SATB1: variants seen among roughly 807,000 people sequenced by gnomAD.
SATB1 encodes the protein DNA-binding protein SATB1.
In SATB1, 11 loss-of-function variants were observed where a neutral mutation model predicts 86.9. The ratio of observed to expected loss-of-function variants is 0.13; its 90% CI spans 0.08 to 0.21. SATB1 has a LOEUF of 0.21. SATB1 is among the 10% of genes least tolerant of loss of function. The probability of loss-of-function intolerance (pLI) is 1.00; values close to 1 mark genes in which losing one functional copy is unlikely to be tolerated. For missense variants in SATB1, 551 were observed against 937.6 expected (o/e 0.59, Z 5.39); for synonymous variants, 357 against 357.2 (o/e 1.00, Z 0.01).
At chr3:18,434,770 T>C (rs1423940578) in intron 2 of SATB1, 5 of 152,036 alleles carry the variant, frequency 3.3e-5, no homozygotes, top group African/African-American at 1.2e-4. Flanking sequence ...AAAAATTAAG[T>C]TCACTTGAAA....
intron 2 of SATB1, chr3:18,417,284 G>A: frequency 1.7e-6 from 1 of 583,166 alleles, no homozygotes; most frequent in Admixed American, 3.5e-5. Context: ...AAATATTTAA[G>A]TAGAATATGA....
chr3:18,364,719 G>GTATA (rs759656924), intron 9 of SATB1, among the ~76,000 whole-genome samples: 2 of 151,058 alleles, frequency 1.3e-5, no homozygotes, highest in African/African-American at 2.4e-5. Flanking sequence ...ATGTATGTAT[G>GTATA]TATATATATA....
chr3:18,395,973 C>A (rs868058548), intron 6 of SATB1, among the ~76,000 whole-genome samples: 1 of 152,212 alleles, frequency 6.6e-6, no homozygotes, highest in Non-Finnish European at 1.5e-5. Context: ...TGATTTTAAT[C>A]ATCAATTCTC....
chr3:18,413,965 A>G (rs945214801), intron 5 of SATB1, among the ~76,000 whole-genome samples: 2 of 152,200 alleles, frequency 1.3e-5, no homozygotes, highest in Admixed American at 1.3e-4. Context: ...TTCCCTTCAA[A>G]GGTACCCAAT....
rs1268611058 is a variant in SATB1 at position 18,346,002 on chromosome 3, CT to C, written c.*3167del. 6.6e-6 allele frequency: 1 copy of C among 152,004 alleles called. No homozygotes were observed. The highest frequency in any genetic ancestry group is 2.1e-4 in the South Asian group (1 of 4,828). 9.4% of individuals were successfully genotyped at this position (152,004 alleles called of 1,614,324 possible). On this transcript the variant is annotated 3_prime_UTR_variant, in exon 11 of 11. Coordinates refer to ENST00000338745, the MANE Select transcript of SATB1 (RefSeq NM_002971.6). ...ATAAACACAGATATAGATATCGCTA[CT>C]TTGAAAAAAATCACTTATTTTAAAC...
intron 9 of SATB1, among the ~76,000 whole-genome samples, chr3:18,372,682 C>T (rs952486399): frequency 4.6e-5 from 7 of 152,156 alleles, no homozygotes; most frequent in African/African-American, 1.7e-4. Flanking sequence ...ACAATTAGCT[C>T]TTAAAAAATC....
chr3:18,388,464 C>T (rs1023129933), intron 7 of SATB1, among the ~76,000 whole-genome samples: 124 of 152,224 alleles, frequency 8.1e-4, no homozygotes, highest in African/African-American at 2.9e-3. Context: ...ATGAAAACAT[C>T]AGTATAAACA....
intron 2 of SATB1, chr3:18,417,658 G>C (rs1368355797): frequency 1.4e-6 from 1 of 698,100 alleles, no homozygotes; most frequent in Non-Finnish European, 2.6e-6. Flanking sequence ...TCCACAAAAA[G>C]TACTTAACCA....
In SATB1 at chr3:18,348,273, G is replaced by A. The variant is rs888918640; in HGVS notation, c.*897C>T. 1 of 152,618 alleles carries A rather than the reference G, an allele frequency of 6.6e-6. No individual in the cohort carries two copies. The highest frequency in any genetic ancestry group is 2.4e-5 in the African/African-American group (1 of 41,450). 9.5% of individuals were successfully genotyped at this position (152,618 alleles called of 1,614,324 possible). On this transcript the variant is annotated 3_prime_UTR_variant, in exon 11 of 11. Transcript: ENST00000338745. ...GTAAAAATTGCATACAACAATAAGA[G>A]TGAAGCTTATAGTATGAATTGCTTG...
chr3:18,386,435 G>T lies in SATB1; in HGVS notation c.1383C>A (p.Ala461=), dbSNP rs1267982779. ...GGCTGGGTGGTGTGCTGATGAGGGG[G>T]GCAGGACCCATGGCCGAGGCAGCAT... ...SLNAASAMGP[A]PLISTPPSRP... Residue 461 remains alanine, a synonymous_variant, in exon 8 of 11, where the codon GCC becomes GCA. Coordinates refer to ENST00000338745, the MANE Select transcript of SATB1 (RefSeq NM_002971.6). This position sits in a 1 kb window ranked among gnomAD's most constrained non-coding sequence, Gnocchi z 4.5. 2 of 1,613,924 alleles carry T rather than the reference G, an allele frequency of 1.2e-6. No individual in the cohort carries two copies. Among genetic ancestry groups the T allele is most frequent in the South Asian group, 2.2e-5 (2 of 91,058 alleles).
chr3:18,413,091 C>A (rs2125153414), intron 5 of SATB1, among the ~76,000 whole-genome samples: 1 of 152,024 alleles, frequency 6.6e-6, no homozygotes, highest in South Asian at 2.1e-4. Flanking sequence ...AGTGAGGTAT[C>A]CAGCCACAGG....
At chr3:18,409,702 A>T (rs1039945962) in intron 5 of SATB1, 1 of 152,048 alleles carries the variant, frequency 6.6e-6, no homozygotes, top group African/African-American at 2.4e-5. Context: ...AAAGTTTTTT[A>T]ATGTTAAAAA....
chr3:18,399,440 T>C (rs1697137092), intron 5 of SATB1, among the ~76,000 whole-genome samples: 1 of 152,140 alleles, frequency 6.6e-6, no homozygotes, highest in Non-Finnish European at 1.5e-5. Context: ...ATATCAACAG[T>C]GGAAAATGTA....
chr3:18,429,687 TCTGA>T (rs770020582), upstream of SATB1, among the ~76,000 whole-genome samples: 30 of 152,348 alleles, frequency 2.0e-4, no homozygotes, highest in Non-Finnish European at 3.2e-4. This position sits in a 1 kb window ranked among gnomAD's most constrained non-coding sequence, Gnocchi z 4.1. Context: ...GATTAAACTC[TCTGA>T]CTAATTATGC....
intron 9 of SATB1, chr3:18,353,202 C>T (rs1248442667): frequency 6.6e-6 from 1 of 152,394 alleles, no homozygotes; most frequent in Non-Finnish European, 1.5e-5. Flanking sequence ...GACCTCCTCA[C>T]CCCGGGTGGC....
chr3:18,418,647 G>A (rs1017651834), intron 2 of SATB1, among the ~76,000 whole-genome samples: 1 of 152,150 alleles, frequency 6.6e-6, no homozygotes, highest in African/African-American at 2.4e-5. Flanking sequence ...TGGCTTGAAG[G>A]TATTCTGGCA....
rs777511572 is a variant in SATB1, at chr3:18,417,017, G to C, written c.273C>G (p.Cys91Trp). Residue 91 changes from cysteine (C) to tryptophan (W), a missense_variant, in exon 3 of 11, where the codon TGC (cysteine) becomes TGG (tryptophan). Cys to Trp is a radical substitution (Grantham distance 215). This residue lies in a region of SATB1 where 153 missense variants were observed against 258.1 expected (regional missense o/e 0.59). Transcript: ENST00000338745. Reference sequence around the variant, plus strand: ...GCACAAATTCTGCATGCTCCTCCTTGCAATCATATTCAATGGCGTTTTCAT... The same window carrying C: ...GCACAAATTCTGCATGCTCCTCCTTCCAATCATATTCAATGGCGTTTTCAT... ...EHYENAIEYD[C>W]KEEHAEFVLV... The C allele has an allele frequency of 1.2e-6, 2 of 1,613,456 alleles. No individual in the cohort carries two copies. The highest frequency in any genetic ancestry group is 1.3e-5 in the African/African-American group (1 of 74,852).
At chr3:18,392,588 T>G (rs982492664) in intron 7 of SATB1, among the ~76,000 whole-genome samples, 3 of 151,756 alleles carry the variant, frequency 2.0e-5, no homozygotes, top group African/African-American at 7.3e-5. Flanking sequence ...CACACACATA[T>G]ATATACACAT....
rs563120056 is a variant in SATB1 at position 18,395,118 on chromosome 3, G to T, written c.752-202C>A. ...ACAATTCTACAAACTTTGGAAATGG[G>T]ACAGCATTCCTAATCTTATTTTTAA... On this transcript the variant is annotated intron_variant, in intron 6 of 10. Coordinates refer to ENST00000338745, the MANE Select transcript of SATB1 (RefSeq NM_002971.6). Among the ~76,000 whole-genome samples the T allele has an allele frequency of 3.9e-5, 6 of 152,228 alleles. No individual in the cohort carries two copies. In the East Asian group the frequency reaches 9.7e-4, roughly 25 times the overall value.
Sources: gnomAD v4.1 joint callset for allele counts (sites outside exome capture counted in the v4.1 genomes callset) on GRCh38, gnomAD v4.1.1 for gene constraint, gnomAD v4.1.1 regional missense constraint, Gnocchi (gnomAD v3.1) non-coding constraint, MANE v1.5 for transcripts, NCBI Gene and HGNC (gene_info 2026-07-23, HGNC 2026-07-21) for gene names.